Variants in SLC9A7 observed in about 807,000 individuals in gnomAD.
SLC9A7 encodes the protein sodium/hydrogen exchanger 7.
A neutral mutation model predicts 52.6 loss-of-function variants in SLC9A7; 19 were observed. The observed-to-expected ratio is 0.36, with a 90% CI of 0.25 to 0.53. The LOEUF is 0.53. SLC9A7 is among the 20% of genes least tolerant of loss of function. The pLI, the probability that SLC9A7 is intolerant of heterozygous loss-of-function variation, is 0.91. For synonymous variants in SLC9A7, 226 were observed against 252.1 expected (o/e 0.90, Z 0.98); for missense variants, 455 against 597.9 (o/e 0.76, Z 2.49).
At chrX:46,748,364 A>AAGG (rs1921956088) in intron 1 of SLC9A7, among the ~76,000 whole-genome samples, 163 of 51,256 alleles carry the variant, frequency 3.2e-3, no homozygotes, top group Non-Finnish European at 4.4e-3. Context: ...AAAAAGAAAG[A>AAGG]AAGGAAGGAA....
At chrX:46,688,942 T>G (rs1268921774) in intron 1 of SLC9A7, among the ~76,000 whole-genome samples, 3 of 111,618 alleles carry the variant, frequency 2.7e-5, no homozygotes. Context: ...TGACCTATAT[T>G]TTTCCTTTCT....
At chrX:46,631,785 G>A in intron 13 of SLC9A7, 136 bp from the exon 14 acceptor site, 1 of 481,979 alleles carries the variant, frequency 2.1e-6, no homozygotes, top group Non-Finnish European at 3.6e-6. Context: ...TAAAAGGTGA[G>A]GAAAGCTGTC....
intron 1 of SLC9A7, among the ~76,000 whole-genome samples, chrX:46,714,208 TA>T (rs368226121): frequency 1.1e-4 from 11 of 104,254 alleles, no homozygotes; most frequent in East Asian, 2.9e-4. Context: ...ACTTTACAGT[TA>T]AAAAAAAAAA....
chrX:46,717,671 T>A (rs1053742630), intron 1 of SLC9A7, among the ~76,000 whole-genome samples: 5 of 111,827 alleles, frequency 4.5e-5, no homozygotes, highest in African/African-American at 1.6e-4. Flanking sequence ...TGAGCCACCA[T>A]GCCTGGCCCC....
At chrX:46,658,495 AAG>A (rs1172198513) in intron 7 of SLC9A7, among the ~76,000 whole-genome samples, 28 of 110,992 alleles carry the variant, frequency 2.5e-4, no homozygotes, top group African/African-American at 7.5e-4. Flanking sequence ...TAAAGAAAAA[AAG>A]AGAGAAGAAT....
intron 3 of SLC9A7, among the ~76,000 whole-genome samples, chrX:46,678,619 T>G (rs1269364938): frequency 9.2e-6 from 1 of 108,919 alleles, no homozygotes; most frequent in Non-Finnish European, 1.9e-5. Flanking sequence ...TTGCTTTTTG[T>G]AGAGGCAGGG....
In SLC9A7 at chrX:46,607,200, G is replaced by A; in HGVS notation, c.1933C>T (p.Gln645Ter). The A allele has an allele frequency of 1.7e-6, 2 of 1,208,493 alleles. No individual in the cohort carries two copies. The highest frequency in any genetic ancestry group is 2.2e-6 in the Non-Finnish European group (2 of 893,698). Reference protein sequence around the residue: ...CLTSPQVYDNQEPLREEDSDF... With the variant: ...CLTSPQVYDN ...GAGTCTTCCTCTCTCAGTGGCTCTT[G>A]GTTCTGAAAAGTGCAACCAACAACA... is the stretch of plus-strand genomic sequence containing the variant. The change falls in exon 17 of 17, where the codon CAA (glutamine) becomes TAA (stop). Residue 645 changes from glutamine to a stop codon, truncating the protein, a stop_gained. Transcript: ENST00000616978. LOFTEE classifies it high-confidence loss of function.
rs751830459 is a variant in SLC9A7, at chrX:46,635,491, G to C, written c.1676+98C>G. On this transcript the variant is annotated intron_variant, in intron 13 of 16. Transcript: ENST00000616978. ...TAAAAGTGGGGGTTGGCACACGCAG[G>C]AAGGAAGAGAAAAATAGTGTAAAGA... is the stretch of plus-strand genomic sequence containing the variant. 42 of 677,405 alleles carry C rather than the reference G, an allele frequency of 6.2e-5. No individual in the cohort carries two copies. The African/African-American group carries it at 8.2e-4, about 13-fold the overall frequency. 55.8% of individuals were successfully genotyped at this position (677,405 alleles called of 1,213,427 possible).
chrX:46,663,932 C>G (rs922146536), intron 5 of SLC9A7, among the ~76,000 whole-genome samples: 3 of 111,878 alleles, frequency 2.7e-5, no homozygotes, highest in Non-Finnish European at 5.6e-5. Context: ...GCACTCCAGC[C>G]TGGGCAACAA....
intron 11 of SLC9A7, among the ~76,000 whole-genome samples, chrX:46,645,981 T>C (rs1943484989): frequency 1.8e-5 from 2 of 112,385 alleles, no homozygotes; most frequent in African/African-American, 6.5e-5. Flanking sequence ...ATTTATATAC[T>C]TTTTTTTGTA....
chrX:46,621,845 G>C (rs1036961107), intron 14 of SLC9A7, among the ~76,000 whole-genome samples: 4 of 112,010 alleles, frequency 3.6e-5, no homozygotes, highest in Non-Finnish European at 7.5e-5. Flanking sequence ...GGTACTACTA[G>C]GGCTGTGCAA....
intron 1 of SLC9A7, among the ~76,000 whole-genome samples, chrX:46,733,898 G>A (rs919002876): frequency 9.0e-6 from 1 of 111,327 alleles, no homozygotes; most frequent in Non-Finnish European, 1.9e-5. Context: ...CCAACCATAC[G>A]AATACTTACA....
At chrX:46,746,363 C>T (rs770024268) in intron 1 of SLC9A7, among the ~76,000 whole-genome samples, 5 of 109,485 alleles carry the variant, frequency 4.6e-5, no homozygotes, top group Non-Finnish European at 9.5e-5. Flanking sequence ...AAACAGTGCA[C>T]AGAATGGGAA....
Position 46,662,594 on chromosome X carries a change from G to A in SLC9A7, c.843C>T (p.Tyr281=), listed in dbSNP as rs200527187. 9.6e-5 allele frequency: 116 copies of A among 1,208,814 alleles called. No individual in the cohort carries two copies. The East Asian group carries it at 1.1e-3, about 11-fold the overall frequency. Residue 281 remains tyrosine (Y), a synonymous_variant, in exon 6 of 17, where the codon TAC becomes TAT. Coordinates refer to ENST00000616978, the MANE Select transcript of SLC9A7 (RefSeq NM_001257291.2). ...GGACGCTCTCTCCAAAAAGAAGTGC[G>A]TAAAGATCCACGTCTGCATGCAATT... The part of the protein sequence containing the change: ...FNELHADVDL[Y]ALLFGESVLN...
In SLC9A7 at chrX:46,601,724, G is replaced by A. The variant is rs1333496007; in HGVS notation, c.*5228C>T. On this transcript the variant is annotated 3_prime_UTR_variant, in exon 17 of 17. Coordinates refer to ENST00000616978, the MANE Select transcript of SLC9A7 (RefSeq NM_001257291.2). ...CTGTGATTGTGTCCTAGGAAGAAAT[G>A]TGGCCTTATTTAAATTCCAAATTTT... The A allele has an allele frequency of 1.8e-5, 2 of 112,651 alleles. No homozygotes were observed. Among genetic ancestry groups the A allele is most frequent in the Non-Finnish European group, 3.8e-5 (2 of 53,331 alleles). The allele number at this position is 112,651 out of a possible 1,213,427, so 9.3% of individuals were successfully genotyped here. A position where few individuals can be genotyped will look rare whatever the true frequency, so the allele number is the denominator to read the frequency against.
intron 1 of SLC9A7, among the ~76,000 whole-genome samples, chrX:46,717,552 G>A (rs759592033): frequency 3.6e-5 from 4 of 110,870 alleles, no homozygotes; most frequent in Non-Finnish European, 5.7e-5. Context: ...GCTAATTTTT[G>A]TATTTTTAGT....
At chrX:46,752,256 T>G (rs942290354) in intron 1 of SLC9A7, among the ~76,000 whole-genome samples, 24 of 111,841 alleles carry the variant, frequency 2.1e-4, no homozygotes, top group African/African-American at 7.5e-4. Context: ...GAGTACATTC[T>G]CCTGCATAAC....
chrX:46,707,649 A>G (rs1944624693), intron 1 of SLC9A7, among the ~76,000 whole-genome samples: 1 of 112,568 alleles, frequency 8.9e-6, no homozygotes, highest in African/African-American at 3.2e-5. Context: ...TCTCCTTAAT[A>G]TCAGAGTGAC....
intron 1 of SLC9A7, among the ~76,000 whole-genome samples, chrX:46,711,388 T>A (rs1470884519): frequency 8.9e-6 from 1 of 111,988 alleles, no homozygotes; most frequent in Non-Finnish European, 1.9e-5. Flanking sequence ...GAATTGACTG[T>A]CCTACTCTGA....
Sources: gnomAD v4.1 joint callset for allele counts (sites outside exome capture counted in the v4.1 genomes callset) on GRCh38, gnomAD v4.1.1 for gene constraint, MANE v1.5 for transcripts, NCBI Gene and HGNC (gene_info 2026-07-23, HGNC 2026-07-21) for gene names.